PCYT1A: variants seen among roughly 807,000 people sequenced by gnomAD.
PCYT1A encodes the protein phosphate cytidylyltransferase 1A, choline, also known as choline-phosphate cytidylyltransferase A.
Under a neutral mutation model 43.7 loss-of-function variants are expected in PCYT1A, and 25 were observed. The observed-to-expected ratio is 0.57, with a 90% CI of 0.42 to 0.80. The LOEUF (loss-of-function observed/expected upper bound fraction) is 0.80. PCYT1A is among the 30% of genes least tolerant of loss of function. The pLI, the probability that PCYT1A is intolerant of heterozygous loss-of-function variation, is 0.00. For synonymous variants in PCYT1A, 172 were observed against 170.7 expected, an observed-to-expected ratio of 1.01 and a Z score of -0.06; for missense variants, 421 against 474.2, an observed-to-expected ratio of 0.89 and a Z score of 1.04.
At chr3:196,249,560 C>T (rs990624337) in intron 3 of PCYT1A, among the ~76,000 whole-genome samples, 9 of 152,020 alleles carry the variant, frequency 5.9e-5, no homozygotes, top group African/African-American at 1.9e-4. Context: ...AATGATTTCC[C>T]GGGGAACAAG....
chr3:196,262,123 A>G (rs73086612), intron 2 of PCYT1A, among the ~76,000 whole-genome samples: 1,560 of 152,312 alleles, frequency 0.01, 33 homozygotes, highest in African/African-American at 0.036. Context: ...CCTAAAACAC[A>G]TCTCCTTCAT....
chr3:196,277,129 C>G lies in PCYT1A; in HGVS notation c.-10-6588G>C, dbSNP rs1245642415. On this transcript the variant is annotated intron_variant, in intron 1 of 8. Coordinates refer to ENST00000431016, the MANE Select transcript of PCYT1A (RefSeq NM_001312673.2). This position sits in a 1 kb window ranked among gnomAD's most constrained non-coding sequence, Gnocchi z 4.1. ...CCTGTAATCCCAGCTACTTGGGAGG[C>G]TGAGGCAGGAGAATTGCTTAAACCC... 2.0e-5 allele frequency among the ~76,000 whole-genome samples: 3 copies of G among 151,956 alleles called. No individual in the cohort carries two copies. The highest frequency in any genetic ancestry group is 2.0e-4 in the Admixed American group (3 of 15,240).
At chr3:196,256,374 C>T (rs1394933945) in intron 3 of PCYT1A, among the ~76,000 whole-genome samples, 4 of 152,062 alleles carry the variant, frequency 2.6e-5, no homozygotes, top group Non-Finnish European at 4.4e-5. Context: ...CCTGTAATCC[C>T]AGCTACTCGG....
At chr3:196,263,409 T>C (rs1001377156) in intron 2 of PCYT1A, among the ~76,000 whole-genome samples, 3 of 152,062 alleles carry the variant, frequency 2.0e-5, no homozygotes, top group Non-Finnish European at 4.4e-5. Flanking sequence ...GTAGGGACAG[T>C]GTCTCTCTAT....
At chr3:196,267,220 A>C (rs1190044992) in intron 2 of PCYT1A, 2 of 412,486 alleles carry the variant, frequency 4.8e-6, no homozygotes, top group Non-Finnish European at 9.5e-6. Context: ...TACATGTTGC[A>C]GTACGAATGA....
At chr3:196,272,743 T>C (rs115813196) in intron 1 of PCYT1A, among the ~76,000 whole-genome samples, 498 of 152,350 alleles carry the variant, frequency 3.3e-3, no homozygotes, top group Middle Eastern at 0.02. Flanking sequence ...AAGGAACTTA[T>C]TTATTATTGT....
chr3:196,281,330 CT>C (rs140381204), intron 1 of PCYT1A, among the ~76,000 whole-genome samples: 1 of 152,312 alleles, frequency 6.6e-6, no homozygotes, highest in Non-Finnish European at 1.5e-5. Flanking sequence ...ACATTGCCCC[CT>C]ATGTAAAGGC....
At chr3:196,254,883 C>T (rs908069299) in intron 3 of PCYT1A, among the ~76,000 whole-genome samples, 16 of 152,112 alleles carry the variant, frequency 1.1e-4, no homozygotes, top group African/African-American at 3.9e-4. Context: ...ATTTCCATTG[C>T]CCTTCACACT....
In PCYT1A at chr3:196,247,209, G is replaced by T. The variant is rs1276562569; in HGVS notation, c.486+158C>A. ...CCAGCCCCATATAAACGTCAGGGGT[G>T]ACTGTTATCACTAGTAATATCACTG... On this transcript the variant is annotated intron_variant, in intron 5 of 8. Coordinates refer to ENST00000431016, the MANE Select transcript of PCYT1A (RefSeq NM_001312673.2). This position sits in a 1 kb window ranked among gnomAD's most constrained non-coding sequence, Gnocchi z 4.8. 1.3e-5 allele frequency among the ~76,000 whole-genome samples: 2 copies of T among 152,200 alleles called. No individual in the cohort carries two copies. Among genetic ancestry groups the T allele is most frequent in the African/African-American group, 4.8e-5 (2 of 41,434 alleles).
chr3:196,259,118 A>G (rs1725032582), intron 2 of PCYT1A, among the ~76,000 whole-genome samples: 1 of 152,172 alleles, frequency 6.6e-6, no homozygotes, highest in African/African-American at 2.4e-5. Flanking sequence ...CTGGGGCTCA[A>G]GCAATTCTCT....
intron 2 of PCYT1A, among the ~76,000 whole-genome samples, chr3:196,261,750 A>G (rs552646051): frequency 6.6e-6 from 1 of 151,616 alleles, no homozygotes; most frequent in Non-Finnish European, 1.5e-5. Flanking sequence ...AGATCACGCC[A>G]CTGCACTCCA....
At position 196,252,393 on chromosome 3, in the gene PCYT1A, G is replaced by A. The variant is rs1209247231; in HGVS notation, c.218-4070C>T. 2.6e-5 allele frequency among the ~76,000 whole-genome samples: 4 copies of A among 152,180 alleles called. No individual in the cohort carries two copies. Among genetic ancestry groups the A allele is most frequent in the Non-Finnish European group, 4.4e-5 (3 of 67,988 alleles). ...CTCCCAAGTCACTGGGATTACAGGC[G>A]AAAGCCACCAAGCCGGGATAATTTT... is the stretch of plus-strand genomic sequence containing the variant. On this transcript the variant is annotated intron_variant, in intron 3 of 8. Coordinates refer to ENST00000431016, the MANE Select transcript of PCYT1A (RefSeq NM_001312673.2). This position sits in a 1 kb window ranked among gnomAD's most constrained non-coding sequence, Gnocchi z 4.0.
rs1725624669 is a variant in PCYT1A, at chr3:196,277,499, A to C, written c.-10-6958T>G. Among the ~76,000 whole-genome samples, 1 of 152,240 alleles carries C rather than the reference A, an allele frequency of 6.6e-6. No individual in the cohort carries two copies. The highest frequency in any genetic ancestry group is 1.5e-5 in the Non-Finnish European group (1 of 68,042). On this transcript the variant is annotated intron_variant, in intron 1 of 8. Transcript: ENST00000431016. This position sits in a 1 kb window ranked among gnomAD's most constrained non-coding sequence, Gnocchi z 4.1. ...AACATCTGGGTCACAGATATTCCAT[A>C]ATGATAACCCTAAAAGAATTTAGAA... is the stretch of plus-strand genomic sequence containing the variant.
At position 196,236,724 on chromosome 3, in the gene PCYT1A, C is replaced by T. The variant is rs60271482; in HGVS notation, c.*1964G>A. On this transcript the variant is annotated 3_prime_UTR_variant, in exon 9 of 9. Coordinates refer to ENST00000431016, the MANE Select transcript of PCYT1A (RefSeq NM_001312673.2). Reference sequence around the variant, plus strand: ...CTCTGTCACCCAGGCTGGACTGCAGCGGCACCATCTCTGCTCACTGCAACC... The same window carrying T: ...CTCTGTCACCCAGGCTGGACTGCAGTGGCACCATCTCTGCTCACTGCAACC... 2,379 of 152,244 alleles carry T rather than the reference C, an allele frequency of 0.016. 54 individuals carry two copies. Among genetic ancestry groups the T allele is most frequent in the East Asian group, 0.062 (323 of 5,178 alleles). 9.4% of individuals were successfully genotyped at this position (152,244 alleles called of 1,614,324 possible).
At chr3:196,244,696 G>A (rs368394415) in intron 5 of PCYT1A, among the ~76,000 whole-genome samples, 1 of 152,388 alleles carries the variant, frequency 6.6e-6, no homozygotes, top group African/African-American at 2.4e-5. Flanking sequence ...TTGTTGCTGT[G>A]TCTGTGTAGA....
intron 3 of PCYT1A, among the ~76,000 whole-genome samples, chr3:196,248,809 T>C (rs1166545233): frequency 6.6e-6 from 1 of 151,744 alleles, no homozygotes; most frequent in African/African-American, 2.4e-5. Flanking sequence ...CAGACTGGAG[T>C]GCAGTGGCAC....
At chr3:196,253,313 C>T (rs975931846) in intron 3 of PCYT1A, among the ~76,000 whole-genome samples, 7 of 127,760 alleles carry the variant, frequency 5.5e-5, no homozygotes, top group South Asian at 2.6e-4. Flanking sequence ...CTCCAGCCTG[C>T]GAGACAGAGC....
At chr3:196,281,092 A>G (rs1725759052) in intron 1 of PCYT1A, among the ~76,000 whole-genome samples, 1 of 152,248 alleles carries the variant, frequency 6.6e-6, no homozygotes, top group South Asian at 2.1e-4. Flanking sequence ...CCCAATGCCC[A>G]GTATTTTTCT....
intron 5 of PCYT1A, among the ~76,000 whole-genome samples, chr3:196,246,821 G>A (rs377432414): frequency 2.8e-4 from 43 of 152,312 alleles, no homozygotes; most frequent in African/African-American, 9.9e-4. Context: ...TCTCGTAACT[G>A]GTGAGTTCAG....
Sources: allele counts gnomAD v4.1 joint callset (sites outside exome capture counted in the v4.1 genomes callset), GRCh38; gene constraint gnomAD v4.1.1; non-coding constraint Gnocchi (gnomAD v3.1); transcripts MANE v1.5; gene names NCBI Gene and HGNC (gene_info 2026-07-23, HGNC 2026-07-21).